Variants in CDH23 observed in about 807,000 individuals in gnomAD.
The protein encoded by CDH23 is cadherin related 23.
In CDH23, 189 loss-of-function variants were observed where a neutral mutation model predicts 317.1. The observed-to-expected ratio is 0.60, with a 90% CI of 0.53 to 0.67. CDH23 has a LOEUF of 0.67. CDH23 is among the 30% of genes least tolerant of loss of function. CDH23 has a pLI of 0.00. For missense variants in CDH23, 4,401 were observed against 4,592.4 expected, an observed-to-expected ratio of 0.96 and a Z score of 1.20; for synonymous variants, 1,839 against 1,876.8, an observed-to-expected ratio of 0.98 and a Z score of 0.52.
rs140009195 is a variant in CDH23, at chr10:71,734,161, A to G, written c.4105-79A>G. On this transcript the variant is annotated intron_variant, in intron 32 of 69. Coordinates refer to ENST00000224721, the MANE Select transcript of CDH23 (RefSeq NM_022124.6). The stretch of plus-strand genomic sequence containing the variant: ...ATGCCGGACAGAGGAAGTGACATGG[A>G]GGTGGAAAAGTGGGCAGAATGACCA... The G allele has an allele frequency of 4.5e-5, 51 of 1,130,954 alleles. No individual in the cohort carries two copies. In the East Asian group the frequency reaches 1.2e-3, roughly 27 times the overall value. The allele number at this position is 1,130,954 out of a possible 1,614,324, so 70.1% of individuals were successfully genotyped here. A position where few individuals can be genotyped will look rare whatever the true frequency, so the allele number is the denominator to read the frequency against.
Position 71,646,985 on chromosome 10 carries a change from G to A in CDH23, c.1449+368G>A, listed in dbSNP as rs983135950. ...GGGCAACCCTCTCCATGTGAGCACA[G>A]GCACCAGAGAGGGGCAGGCGCCTGG... On this transcript the variant is annotated intron_variant, in intron 14 of 69. Coordinates refer to ENST00000224721, the MANE Select transcript of CDH23 (RefSeq NM_022124.6). 3.0e-6 allele frequency: 3 copies of A among 985,288 alleles called. No individual in the cohort carries two copies. The African/African-American group carries it at 5.2e-5, about 17-fold the overall frequency. 61.0% of individuals were successfully genotyped at this position (985,288 alleles called of 1,614,324 possible).
chr10:71,670,580 C>G (rs564785240), intron 14 of CDH23, among the ~76,000 whole-genome samples: 2 of 152,146 alleles, frequency 1.3e-5, no homozygotes, highest in South Asian at 2.1e-4. Flanking sequence ...GTTTGGAAGG[C>G]AGTTACAGAA....
At chr10:71,740,229 A>G (rs1462037009) in intron 36 of CDH23, among the ~76,000 whole-genome samples, 1 of 152,218 alleles carries the variant, frequency 6.6e-6, no homozygotes, top group Non-Finnish European at 1.5e-5. Flanking sequence ...ATTATTGCAG[A>G]ATGGCCATGG....
intron 41 of CDH23, among the ~76,000 whole-genome samples, 166 bp downstream of exon 41, chr10:71,779,613 C>T (rs890564823): frequency 6.6e-6 from 1 of 152,244 alleles, no homozygotes; most frequent in Non-Finnish European, 1.5e-5. Flanking sequence ...AATCTTCTCC[C>T]ACCTCTTATT....
Position 71,785,724 on chromosome 10 carries a change from C to T in CDH23, c.5806C>T (p.Arg1936Cys), listed in dbSNP as rs200895128. The T allele has an allele frequency of 1.6e-5, 26 of 1,602,284 alleles. No homozygotes were observed. Among genetic ancestry groups the T allele is most frequent in the South Asian group, 2.3e-5 (2 of 88,878 alleles). Reference sequence around the variant, plus strand: ...TGTGAAGGACAACCCGGAGAATCCACGCATAGCCAGGAGGGTGAGACTGGA... The same window carrying T: ...TGTGAAGGACAACCCGGAGAATCCATGCATAGCCAGGAGGGTGAGACTGGA... The part of the protein sequence containing the change: ...ISVKDNPENP[R>C]IARRDYDLLL... The change falls in exon 44 of 70, where the codon CGC (arginine) becomes TGC (cysteine). Residue 1936 changes from arginine (R) to cysteine (C), a missense_variant. Transcript: ENST00000224721.
At chr10:71,529,933 C>T (rs746905) in intron 6 of CDH23, among the ~76,000 whole-genome samples, 15,231 of 151,886 alleles carry the variant, frequency 0.1, 2,125 homozygotes, top group African/African-American at 0.32. Context: ...AGACTCTGAC[C>T]CACCCACCCC....
chr10:71,590,293 A>G (rs1261510984), intron 9 of CDH23, among the ~76,000 whole-genome samples: 1 of 152,244 alleles, frequency 6.6e-6, no homozygotes, highest in African/African-American at 2.4e-5. Flanking sequence ...GCACAGAACG[A>G]AATTATTGCT....
At chr10:71,519,707 G>A (rs1854548444) in intron 6 of CDH23, among the ~76,000 whole-genome samples, 1 of 152,162 alleles carries the variant, frequency 6.6e-6, no homozygotes, top group African/African-American at 2.4e-5. Context: ...TTTAATGAGA[G>A]CACGTGTATG....
In CDH23 at chr10:71,439,802, C is replaced by G. The variant is rs999140050; in HGVS notation, c.-5-25C>G. On this transcript the variant is annotated intron_variant, in intron 1 of 69. Coordinates refer to ENST00000224721, the MANE Select transcript of CDH23 (RefSeq NM_022124.6). ...TCTGCCACCCAGGAAGCTTCTCACC[C>G]TCTTCTCTTTCTTTGTGTCCCCAGG... 1.0e-5 allele frequency: 16 copies of G among 1,543,464 alleles called. No individual in the cohort carries two copies. In the Admixed American group the frequency reaches 1.6e-4, roughly 15 times the overall value.
chr10:71,398,809 G>A (rs375584201), intron 1 of CDH23, among the ~76,000 whole-genome samples: 16 of 152,138 alleles, frequency 1.1e-4, no homozygotes, highest in Admixed American at 6.5e-5. Context: ...GGTGTCCCCC[G>A]TGAGTTGGGA....
At chr10:71,809,730 T>C (rs1564806353) in intron 60 of CDH23, 90 bp from the exon 61 acceptor site, 13 of 1,535,614 alleles carry the variant, frequency 8.5e-6, no homozygotes, top group East Asian at 2.3e-5. Flanking sequence ...CTCCCCTAGA[T>C]GTGCCCACCT....
At chr10:71,589,767 C>T (rs988210850) in intron 9 of CDH23, among the ~76,000 whole-genome samples, 4 of 152,196 alleles carry the variant, frequency 2.6e-5, no homozygotes, top group African/African-American at 7.2e-5. Flanking sequence ...TTCTCCTGCA[C>T]GTTGGAACCC....
intron 9 of CDH23, among the ~76,000 whole-genome samples, chr10:71,604,865 G>A (rs1420393493): frequency 1.3e-5 from 2 of 152,250 alleles, no homozygotes; most frequent in Admixed American, 6.5e-5. Context: ...GTGCCTCGCA[G>A]CTCCTCTGTG....
intron 11 of CDH23, 74 bp downstream of exon 11, chr10:71,617,467 G>A: frequency 6.4e-7 from 1 of 1,557,116 alleles, no homozygotes; most frequent in East Asian, 2.4e-5. Context: ...GGCTGTTCAG[G>A]TCCTCAGCTA....
At chr10:71,712,521 A>C (rs879198974) in intron 27 of CDH23, 144 bp from the exon 28 acceptor site, 2 of 758,230 alleles carry the variant, frequency 2.6e-6, no homozygotes, top group South Asian at 3.6e-5. Context: ...TAAGCTAAAA[A>C]GGAAGTCACC....
At position 71,777,834 on chromosome 10, in the gene CDH23, A is replaced by G. The variant is rs768672680; in HGVS notation, c.5000A>G (p.Asn1667Ser). 15 of 1,613,862 alleles carry G rather than the reference A, an allele frequency of 9.3e-6. No homozygotes were observed. Among genetic ancestry groups the G allele is most frequent in the Non-Finnish European group, 1.3e-5 (15 of 1,179,852 alleles). The change falls in exon 39 of 70, where the codon AAC (asparagine) becomes AGC (serine). Residue 1667 changes from asparagine (N) to serine (S), a missense_variant. Asn to Ser is a conservative substitution (Grantham distance 46). Transcript: ENST00000224721. Reference protein sequence around the residue: ...IQALDLDEGPNGTVTYAIVAG... With the variant: ...IQALDLDEGPSGTVTYAIVAG... ...GCACTGGACCTGGATGAGGGTCCCAACGGCACAGTCACCTATGCCATCGTC... is the reference window on the plus strand; with the variant it reads ...GCACTGGACCTGGATGAGGGTCCCAGCGGCACAGTCACCTATGCCATCGTC...
Position 71,732,024 on chromosome 10 carries a change from C to T in CDH23, c.3753C>T (p.Gly1251=), listed in dbSNP as rs571842156. Residue 1251 remains glycine (G), a synonymous_variant, in exon 32 of 70, where the codon GGC becomes GGT. Transcript: ENST00000224721. The part of the protein sequence containing the change: ...GGLVNYRILS[G]AEGKFEIDES... ...TGGTGAACTACCGCATCCTGTCGGGCGCAGAGGGGAAGTTTGAGATTGACG... is the reference window on the plus strand; with the variant it reads ...TGGTGAACTACCGCATCCTGTCGGGTGCAGAGGGGAAGTTTGAGATTGACG... 16 of 1,613,774 alleles carry T rather than the reference C, an allele frequency of 9.9e-6. No homozygotes were observed. The African/African-American group carries it at 1.9e-4, about 19-fold the overall frequency.
intron 53 of CDH23, among the ~76,000 whole-genome samples, chr10:71,801,676 C>A (rs766553391): frequency 6.6e-6 from 1 of 152,184 alleles, no homozygotes; most frequent in African/African-American, 2.4e-5. Flanking sequence ...ACTTCTCCCT[C>A]ACAATAATCT....
In CDH23 at chr10:71,798,515, G is replaced by A; in HGVS notation, c.6991G>A (p.Val2331Ile). 1 of 1,613,924 alleles carries A rather than the reference G, an allele frequency of 6.2e-7. No homozygotes were observed. The highest frequency in any genetic ancestry group is 1.1e-5 in the South Asian group (1 of 91,086). ...VDPDKGLNGL[V>I]TYTLLDLVPP... is the part of the protein sequence containing the mutation. ...CCCTGACAAGGGCCTTAATGGGCTGGTCACCTACACCCTGCTGGACCTGGT... is the reference window on the plus strand; with the variant it reads ...CCCTGACAAGGGCCTTAATGGGCTGATCACCTACACCCTGCTGGACCTGGT... Residue 2331 changes from valine to isoleucine, a missense_variant, in exon 50 of 70, where the codon GTC becomes ATC. Val to Ile is a conservative substitution (Grantham distance 29). Transcript: ENST00000224721.
Sources: allele counts gnomAD v4.1 joint callset (sites outside exome capture counted in the v4.1 genomes callset), GRCh38; gene constraint gnomAD v4.1.1; transcripts MANE v1.5; gene names NCBI Gene and HGNC (gene_info 2026-07-23, HGNC 2026-07-21).